The following OSBPL8 variants were observed in gnomAD, a reference collection of about 807,000 sequenced individuals.
OSBPL8 encodes oxysterol binding protein like 8.
A neutral mutation model predicts 125.5 loss-of-function variants in OSBPL8; 59 were observed. That is an observed-to-expected ratio of 0.47 (90% CI 0.38 to 0.58). The LOEUF (loss-of-function observed/expected upper bound fraction) is 0.58. OSBPL8 is among the 20% of genes least tolerant of loss of function. The pLI is 0.00. For missense variants in OSBPL8, 758 were observed against 1,047.8 expected, an observed-to-expected ratio of 0.72 and a Z score of 3.82; for synonymous variants, 330 against 338.9, an observed-to-expected ratio of 0.97 and a Z score of 0.29.
intron 1 of OSBPL8, among the ~76,000 whole-genome samples, chr12:76,536,059 GT>G (rs919960168): frequency 2.0e-5 from 3 of 151,794 alleles, no homozygotes; most frequent in South Asian, 2.1e-4. Flanking sequence ...AGTAGTTTGG[GT>G]TTTTTTTAGT....
In OSBPL8 at chr12:76,494,318, C is replaced by T. The variant is rs550934852; in HGVS notation, c.-67-6700G>A. Among the ~76,000 whole-genome samples, 106 of 152,290 alleles carry T rather than the reference C, an allele frequency of 7.0e-4. 2 individuals carry two copies. In the South Asian group the frequency reaches 0.021, roughly 30 times the overall value. On this transcript the variant is annotated intron_variant, in intron 1 of 23. Transcript: ENST00000261183. ...AGGAAAAGGCCCTACCCTATGGCTA[C>T]ATTCTAGGGCACTGACTGGGTGGGA...
intron 4 of OSBPL8, among the ~76,000 whole-genome samples, chr12:76,413,035 T>C (rs1008528650): frequency 6.6e-6 from 1 of 152,210 alleles, no homozygotes; most frequent in Non-Finnish European, 1.5e-5. Flanking sequence ...AAGGGTCTAA[T>C]CTTTGTATAT....
At chr12:76,494,342 G>C (rs1239766879) in intron 1 of OSBPL8, among the ~76,000 whole-genome samples, 1 of 152,276 alleles carries the variant, frequency 6.6e-6, no homozygotes, top group Non-Finnish European at 1.5e-5. Flanking sequence ...GACTGGGTGG[G>C]AGTCTTTTAC....
chr12:76,451,685 C>A lies in OSBPL8; in HGVS notation c.80-697G>T, dbSNP rs76424091. ...CCCATTTGGCCATCCTACTATCTATCGCTCAGTAATAGCGAGCCATGCCCA... is the reference window on the plus strand; with the variant it reads ...CCCATTTGGCCATCCTACTATCTATAGCTCAGTAATAGCGAGCCATGCCCA... On this transcript the variant is annotated intron_variant, in intron 3 of 23. Coordinates refer to ENST00000261183, the MANE Select transcript of OSBPL8 (RefSeq NM_020841.5). 2.2e-3 allele frequency among the ~76,000 whole-genome samples: 329 copies of A among 152,286 alleles called. 2 individuals are homozygous for A. Among genetic ancestry groups the A allele is most frequent in the African/African-American group, 7.3e-3 (304 of 41,560 alleles).
At chr12:76,440,294 C>G (rs985665561) in intron 4 of OSBPL8, among the ~76,000 whole-genome samples, 5 of 152,020 alleles carry the variant, frequency 3.3e-5, no homozygotes, top group Admixed American at 3.3e-4. Flanking sequence ...CGTTATCCCA[C>G]GTATTGATGA....
intron 9 of OSBPL8, among the ~76,000 whole-genome samples, chr12:76,394,007 A>G (rs1346654175): frequency 2.0e-5 from 3 of 152,208 alleles, no homozygotes; most frequent in Non-Finnish European, 4.4e-5. Flanking sequence ...CAACAGAGCG[A>G]GACTCCATCT....
chr12:76,384,639 G>A lies in OSBPL8; in HGVS notation c.1534-289C>T, dbSNP rs141354704. ...GTAATTTCTGAGATTAGGTTACAAA[G>A]CACCTTCCATGCTGGGGGCTGTCTC... On this transcript the variant is annotated intron_variant, in intron 14 of 23. Coordinates refer to ENST00000261183, the MANE Select transcript of OSBPL8 (RefSeq NM_020841.5). Among the ~76,000 whole-genome samples, 863 of 152,236 alleles carry A rather than the reference G, an allele frequency of 5.7e-3. 10 individuals are homozygous for A. The highest frequency in any genetic ancestry group is 0.02 in the African/African-American group (825 of 41,540).
chr12:76,454,450 A>G (rs1194362234), intron 3 of OSBPL8, among the ~76,000 whole-genome samples: 4 of 152,200 alleles, frequency 2.6e-5, no homozygotes, highest in Admixed American at 2.6e-4. Flanking sequence ...GCTACTCAGG[A>G]GGCTGAGGTG....
intron 1 of OSBPL8, among the ~76,000 whole-genome samples, chr12:76,536,783 T>A (rs903021141): frequency 7.0e-6 from 1 of 143,194 alleles, no homozygotes; most frequent in Non-Finnish European, 1.5e-5. Flanking sequence ...AAAATTAGCA[T>A]GCCTGTGGCA....
chr12:76,377,913 A>C (rs994888782), intron 16 of OSBPL8, among the ~76,000 whole-genome samples: 2 of 152,198 alleles, frequency 1.3e-5, no homozygotes, highest in Non-Finnish European at 1.5e-5. Flanking sequence ...ATGATTAAAT[A>C]AATGCATTGA....
chr12:76,485,066 G>T (rs1322630813), intron 2 of OSBPL8, among the ~76,000 whole-genome samples: 1 of 151,826 alleles, frequency 6.6e-6, no homozygotes, highest in Non-Finnish European at 1.5e-5. Context: ...GATTACAGGT[G>T]CCTGCCACCA....
intron 1 of OSBPL8, among the ~76,000 whole-genome samples, chr12:76,520,209 T>C (rs1184129718): frequency 6.6e-6 from 1 of 152,194 alleles, no homozygotes; most frequent in Non-Finnish European, 1.5e-5. Flanking sequence ...TGTATATTGA[T>C]ATCACGCTAG....
At chr12:76,544,617 G>A (rs948885702) in intron 1 of OSBPL8, among the ~76,000 whole-genome samples, 1 of 151,992 alleles carries the variant, frequency 6.6e-6, no homozygotes, top group Non-Finnish European at 1.5e-5. Flanking sequence ...CCTGAATGAC[G>A]CATGCTATAA....
chr12:76,546,825 A>C (rs1275985686), intron 1 of OSBPL8, among the ~76,000 whole-genome samples: 1 of 152,242 alleles, frequency 6.6e-6, no homozygotes, highest in African/African-American at 2.4e-5. Context: ...GATCATCAGT[A>C]ATCAGTCCAC....
chr12:76,543,252 T>C (rs1480509240), intron 1 of OSBPL8, among the ~76,000 whole-genome samples: 1 of 152,164 alleles, frequency 6.6e-6, no homozygotes, highest in African/African-American at 2.4e-5. Context: ...TAAATTATTC[T>C]GGAACCTCAA....
At chr12:76,499,362 TATCTA>T (rs1481518195) in intron 1 of OSBPL8, among the ~76,000 whole-genome samples, 1 of 140,324 alleles carries the variant, frequency 7.1e-6, no homozygotes, top group East Asian at 2.1e-4. Flanking sequence ...TCTATCTATC[TATCTA>T]ATCTATCTAA....
At chr12:76,414,667 G>A (rs1020368839) in intron 4 of OSBPL8, among the ~76,000 whole-genome samples, 36 of 151,614 alleles carry the variant, frequency 2.4e-4, no homozygotes, top group African/African-American at 8.0e-4. Flanking sequence ...TGCCCAGGCT[G>A]GTCTTCAAAT....
intron 2 of OSBPL8, among the ~76,000 whole-genome samples, chr12:76,470,451 A>G (rs907663962): frequency 3.3e-5 from 5 of 152,240 alleles, no homozygotes; most frequent in African/African-American, 1.2e-4. Context: ...TGAACATTTC[A>G]GTGTCTGATG....
intron 4 of OSBPL8, among the ~76,000 whole-genome samples, chr12:76,429,524 T>C (rs1227303222): frequency 6.6e-6 from 1 of 152,084 alleles, no homozygotes; most frequent in Non-Finnish European, 1.5e-5. Flanking sequence ...GGTTTGTGAA[T>C]AGACTATTCA....
Sources: gnomAD v4.1 joint callset for allele counts (sites outside exome capture counted in the v4.1 genomes callset) on GRCh38, gnomAD v4.1.1 for gene constraint, MANE v1.5 for transcripts, NCBI Gene and HGNC (gene_info 2026-07-23, HGNC 2026-07-21) for gene names.